Variants in SCAI observed in about 807,000 individuals in gnomAD.
SCAI encodes the protein protein SCAI.
A neutral mutation model predicts 92.2 loss-of-function variants in SCAI; 24 were observed. The ratio of observed to expected loss-of-function variants is 0.26; its 90% confidence interval spans 0.19 to 0.37. SCAI has a LOEUF of 0.37. Among genes scored for constraint, SCAI ranks in the 10% least tolerant of loss-of-function variants. The pLI is 1.00. For missense variants in SCAI, 450 were observed against 736.2 expected (o/e 0.61, Z 4.50); for synonymous variants, 261 against 258.6 (o/e 1.01, Z -0.09).
chr9:125,004,756 T>C (rs1832447318), intron 9 of SCAI, among the ~76,000 whole-genome samples: 2 of 9,372 alleles, frequency 2.1e-4, no homozygotes, highest in Non-Finnish European at 5.8e-4. Context: ...TATATATATA[T>C]ATATATATAT....
At chr9:124,953,417 A>G (rs190740842) in intron 17 of SCAI, among the ~76,000 whole-genome samples, 29 of 152,118 alleles carry the variant, frequency 1.9e-4, no homozygotes, top group Admixed American at 3.3e-4. Flanking sequence ...TCATGAGGTC[A>G]GGAGTTTGAG....
intron 15 of SCAI, among the ~76,000 whole-genome samples, chr9:124,973,289 C>T (rs1831694600): frequency 6.6e-6 from 1 of 152,212 alleles, no homozygotes; most frequent in Non-Finnish European, 1.5e-5. Flanking sequence ...TAAGAATGCT[C>T]AACCTGTACC....
chr9:125,111,527 C>A (rs1014287353), intron 2 of SCAI, among the ~76,000 whole-genome samples: 2 of 151,904 alleles, frequency 1.3e-5, no homozygotes, highest in Non-Finnish European at 2.9e-5. Flanking sequence ...TCGCAAACTT[C>A]CTTAAAACAT....
chr9:125,068,765 T>C lies in SCAI; in HGVS notation c.99-12758A>G, dbSNP rs566839743. 3.9e-5 allele frequency among the ~76,000 whole-genome samples: 6 copies of C among 152,306 alleles called. No homozygotes were observed. In the South Asian group the frequency reaches 1.0e-3, roughly 26 times the overall value. On this transcript the variant is annotated intron_variant, in intron 2 of 17. Transcript: ENST00000336505. ...TAAAAATAAGATTTCAGCTGTAAAA[T>C]CAGTTTGAAAACACTACATAATATA...
intron 2 of SCAI, among the ~76,000 whole-genome samples, chr9:125,088,122 G>A (rs1834360461): frequency 6.6e-6 from 1 of 151,946 alleles, no homozygotes; most frequent in Non-Finnish European, 1.5e-5. Flanking sequence ...TTTTGAGACA[G>A]GGTCTCACTG....
chr9:125,134,170 C>A (rs1212053100), intron 2 of SCAI, among the ~76,000 whole-genome samples: 1 of 152,184 alleles, frequency 6.6e-6, no homozygotes, highest in African/African-American at 2.4e-5. Flanking sequence ...TCAATAGTCA[C>A]ACTACCAACA....
chr9:124,953,399 C>T (rs934151404), intron 17 of SCAI, among the ~76,000 whole-genome samples: 3 of 151,980 alleles, frequency 2.0e-5, no homozygotes, highest in South Asian at 2.1e-4. Flanking sequence ...GAGGCCGAAG[C>T]GGGCAGATCA....
intron 15 of SCAI, 123 bp from the exon 16 acceptor site, chr9:124,971,967 T>G: frequency 1.9e-6 from 1 of 516,774 alleles, no homozygotes; most frequent in Non-Finnish European, 3.1e-6. Flanking sequence ...AAATCATAAT[T>G]CATCAAAGCA....
chr9:125,124,925 G>A (rs1308392729), intron 2 of SCAI, among the ~76,000 whole-genome samples: 6 of 152,326 alleles, frequency 3.9e-5, no homozygotes, highest in Non-Finnish European at 7.3e-5. Flanking sequence ...AACAAGAGCA[G>A]AGGACTACCT....
intron 2 of SCAI, among the ~76,000 whole-genome samples, chr9:125,135,264 T>C (rs1049107238): frequency 2.2e-4 from 33 of 152,242 alleles, no homozygotes; most frequent in African/African-American, 7.7e-4. Flanking sequence ...GTCTTACAGT[T>C]TGGTCTGCAC....
chr9:125,064,625 C>A (rs992532178), intron 2 of SCAI, among the ~76,000 whole-genome samples: 2 of 152,098 alleles, frequency 1.3e-5, no homozygotes, highest in African/African-American at 4.8e-5. Flanking sequence ...GTGGGCAGAT[C>A]ACCTGGGGTC....
intron 3 of SCAI, among the ~76,000 whole-genome samples, chr9:125,041,556 T>C (rs1487332438): frequency 6.6e-6 from 1 of 152,198 alleles, no homozygotes; most frequent in Non-Finnish European, 1.5e-5. Flanking sequence ...TAATACATCC[T>C]GTTAAGGGAG....
chr9:124,998,373 A>G (rs1832288221), intron 13 of SCAI, among the ~76,000 whole-genome samples: 1 of 151,988 alleles, frequency 6.6e-6, no homozygotes, highest in African/African-American at 2.4e-5. Context: ...GAATCACTTG[A>G]GCCTGGGAGA....
chr9:125,097,501 C>G (rs571932543), intron 2 of SCAI, among the ~76,000 whole-genome samples: 1 of 151,984 alleles, frequency 6.6e-6, no homozygotes, highest in Non-Finnish European at 1.5e-5. Context: ...GTTCTTTGAA[C>G]TCCCCAAAGA....
rs1192029108 is a variant in SCAI, at chr9:124,971,465, C to T, written c.1579G>A (p.Ala527Thr). 1 of 1,605,514 alleles carries T rather than the reference C, an allele frequency of 6.2e-7. No homozygotes were observed. Among genetic ancestry groups the T allele is most frequent in the Non-Finnish European group, 8.5e-7 (1 of 1,174,804 alleles). Reference sequence around the variant, plus strand: ...TCATCTCCAAAAAACTGGAGAAATGCCTGATCTGCAAAGAGGAGAAAAGTG... The same window carrying T: ...TCATCTCCAAAAAACTGGAGAAATGTCTGATCTGCAAAGAGGAGAAAAGTG... ...LLTHSRSIDQ[A>T]FLQFFGDEFL... Residue 527 changes from alanine to threonine, a missense_variant, in exon 17 of 18, where the codon GCA becomes ACA. Physicochemically the swap from Ala to Thr is moderately conservative, Grantham distance 58. Around this residue, in one of 3 missense-constraint regions of SCAI, gnomAD observed 360 missense variants for 601.8 expected, o/e 0.60. Transcript: ENST00000336505.
intron 2 of SCAI, among the ~76,000 whole-genome samples, chr9:125,104,286 A>G (rs998697979): frequency 3.3e-5 from 5 of 152,174 alleles, no homozygotes; most frequent in African/African-American, 1.2e-4. Context: ...ACGACAAAGG[A>G]GTGTCCAGTA....
At chr9:124,971,552 G>T in intron 16 of SCAI, 82 bp from the exon 17 acceptor site, 1 of 1,393,942 alleles carries the variant, frequency 7.2e-7, no homozygotes, top group Non-Finnish European at 1.0e-6. Context: ...TCAGGAAAGC[G>T]TTCTCAACTT....
At chr9:124,975,292 T>C (rs776467207) in intron 15 of SCAI, 5 of 456,112 alleles carry the variant, frequency 1.1e-5, no homozygotes, top group African/African-American at 2.0e-5. Context: ...GGCATTCAAA[T>C]GCTGACCATC....
chr9:124,954,578 A>AT (rs1831285286), intron 17 of SCAI, among the ~76,000 whole-genome samples: 1 of 152,188 alleles, frequency 6.6e-6, no homozygotes, highest in Non-Finnish European at 1.5e-5. Flanking sequence ...GGCACCTTGT[A>AT]TTTTTTTAGT....
Sources: allele counts gnomAD v4.1 joint callset (sites outside exome capture counted in the v4.1 genomes callset), GRCh38; gene constraint gnomAD v4.1.1; regional missense constraint gnomAD v4.1.1; transcripts MANE v1.5; gene names NCBI Gene and HGNC (gene_info 2026-07-23, HGNC 2026-07-21).